The following SERHL2 variants were observed in gnomAD, a reference collection of about 807,000 sequenced individuals.
SERHL2 encodes the protein serine hydrolase-like protein 2.
Under a neutral mutation model 25.5 loss-of-function variants are expected in SERHL2, and 29 were observed. The observed-to-expected ratio is 1.14, with a 90% CI of 0.85 to 1.55. The LOEUF (loss-of-function observed/expected upper bound fraction) is 1.55. Among genes scored for constraint, SERHL2 ranks in the 40% most tolerant of loss-of-function variants. The probability of loss-of-function intolerance (pLI) is 0.00; values close to 1 mark genes in which losing one functional copy is unlikely to be tolerated. For synonymous variants in SERHL2, 95 were observed against 103.5 expected (o/e 0.92, Z 0.50); for missense variants, 240 against 252.3 (o/e 0.95, Z 0.33).
chr22:42,555,987 C>G, intron 4 of SERHL2, 77 bp from the exon 5 acceptor site: 1 of 421,500 alleles, frequency 2.4e-6, no homozygotes, highest in Non-Finnish European at 3.7e-6. Flanking sequence ...CCCCCCCCAA[C>G]TGGTGGGAAG....
At position 42,572,507 on chromosome 22, in the gene SERHL2, C is replaced by G. The variant is rs376451858; in HGVS notation, c.803C>G (p.Thr268Arg). ...EKESLSFMID[T>R]MKSTLKEQFQ... is the part of the protein sequence containing the mutation. ...GAGTCCCTGTCGTTCATGATAGACA[C>G]GATGAAATCCACCCTCAAAGAGGTA... Residue 268 changes from threonine (T) to arginine (R), a missense_variant, in exon 11 of 12, where the codon ACG (threonine) becomes AGG (arginine). Physicochemically the swap from Thr to Arg is moderately conservative, Grantham distance 71. This residue lies in a region of SERHL2 where 212 missense variants were observed against 168.9 expected (regional missense o/e 1.25). Coordinates refer to ENST00000327678, the MANE Select transcript of SERHL2 (RefSeq NM_014509.5). The G allele has an allele frequency of 1.9e-6, 3 of 1,611,454 alleles. No individual in the cohort carries two copies. The highest frequency in any genetic ancestry group is 1.3e-5 in the African/African-American group (1 of 74,902).
intron 1 of SERHL2, 126 bp downstream of exon 1, chr22:42,554,168 C>T (rs1921942567): frequency 8.4e-7 from 1 of 1,191,246 alleles, no homozygotes; most frequent in Non-Finnish European, 1.2e-6. Flanking sequence ...CAGCTCCTTC[C>T]TCGGCAGTCC....
intron 10 of SERHL2, chr22:42,571,472 C>T (rs1402658562): frequency 1.1e-5 from 14 of 1,306,704 alleles, no homozygotes; most frequent in Middle Eastern, 5.9e-4. Flanking sequence ...AGGTAAGGCT[C>T]CATAACCAGT....
At chr22:42,563,933 C>T (rs1045320759) in intron 8 of SERHL2, among the ~76,000 whole-genome samples, 2 of 151,632 alleles carry the variant, frequency 1.3e-5, no homozygotes, top group African/African-American at 4.8e-5. Flanking sequence ...AGTAGTTGGG[C>T]GTGATGGCGC....
chr22:42,573,469 T>A (rs1451661847), intron 11 of SERHL2: 1 of 162,606 alleles, frequency 6.1e-6, no homozygotes, highest in African/African-American at 2.4e-5. Context: ...GCTCTTGATC[T>A]CCTGACCTCG....
At chr22:42,565,188 T>C (rs367869954) in intron 8 of SERHL2, 1 of 152,932 alleles carries the variant, frequency 6.5e-6, no homozygotes, top group East Asian at 1.9e-4. Context: ...GGTCGTCCTC[T>C]TCGACCGAGT....
chr22:42,572,605 GCA>G, intron 11 of SERHL2, 76 bp downstream of exon 11: 1 of 1,564,122 alleles, frequency 6.4e-7, no homozygotes, highest in South Asian at 1.2e-5. Flanking sequence ...CTCTTCTCAT[GCA>G]CTGGGAAGAC....
intron 8 of SERHL2, among the ~76,000 whole-genome samples, chr22:42,564,029 A>G (rs1923024889): frequency 6.6e-6 from 1 of 151,778 alleles, no homozygotes; most frequent in African/African-American, 2.4e-5. Flanking sequence ...CTGAGATCAT[A>G]CCATTGCACT....
rs556247420 is a variant in SERHL2, at chr22:42,564,088, A to G, written c.614-2216A>G. On this transcript the variant is annotated intron_variant, in intron 8 of 11. Coordinates refer to ENST00000327678, the MANE Select transcript of SERHL2 (RefSeq NM_014509.5). Reference sequence around the variant, plus strand: ...ACTTCGTCTCAGAAAAAAAAAAGACAAGAAAAAACATGTCTTTTGTATGGC... The same window carrying G: ...ACTTCGTCTCAGAAAAAAAAAAGACGAGAAAAAACATGTCTTTTGTATGGC... 3.0e-3 allele frequency among the ~76,000 whole-genome samples: 458 copies of G among 151,920 alleles called. 2 individuals carry two copies. Among genetic ancestry groups the G allele is most frequent in the African/African-American group, 9.4e-3 (392 of 41,522 alleles).
Position 42,574,288 on chromosome 22 carries a change from A to T in SERHL2, c.*233A>T. 5.5e-6 allele frequency: 3 copies of T among 541,772 alleles called. No individual in the cohort carries two copies. The South Asian group carries it at 6.9e-5, about 13-fold the overall frequency. 33.6% of individuals were successfully genotyped at this position (541,772 alleles called of 1,614,324 possible). On this transcript the variant is annotated 3_prime_UTR_variant, in exon 12 of 12. Coordinates refer to ENST00000327678, the MANE Select transcript of SERHL2 (RefSeq NM_014509.5). Reference sequence around the variant, plus strand: ...TGCTTTCTCCTGGCTAATAATAAATATCCAGCCAGCTGGAGGAAGGAAGGG... The same window carrying T: ...TGCTTTCTCCTGGCTAATAATAAATTTCCAGCCAGCTGGAGGAAGGAAGGG...
In SERHL2 at chr22:42,561,470, C is replaced by T. The variant is rs140196326; in HGVS notation, c.613+1205C>T. ...GCTGAGTGAGGCAGGGGGTCAGAAACTCCAGCACCTGGGGGCGGGGGTGGG... is the reference window on the plus strand; with the variant it reads ...GCTGAGTGAGGCAGGGGGTCAGAAATTCCAGCACCTGGGGGCGGGGGTGGG... On this transcript the variant is annotated intron_variant, in intron 8 of 11. Coordinates refer to ENST00000327678, the MANE Select transcript of SERHL2 (RefSeq NM_014509.5). Among the ~76,000 whole-genome samples the T allele has an allele frequency of 3.9e-3, 584 of 148,622 alleles. 4 individuals are homozygous for T. The highest frequency in any genetic ancestry group is 0.014 in the African/African-American group (568 of 40,326).
chr22:42,570,788 C>T (rs1456213439), intron 9 of SERHL2, among the ~76,000 whole-genome samples: 2 of 152,080 alleles, frequency 1.3e-5, no homozygotes, highest in African/African-American at 4.8e-5. Context: ...CACCTAAGTC[C>T]TAAAATCCAG....
intron 8 of SERHL2, among the ~76,000 whole-genome samples, chr22:42,563,110 A>G (rs902846926): frequency 6.6e-6 from 1 of 151,818 alleles, no homozygotes; most frequent in Non-Finnish European, 1.5e-5. Flanking sequence ...GGAGACTCAC[A>G]TGAGCTCAGG....
intron 11 of SERHL2, chr22:42,573,667 C>T: frequency 2.1e-6 from 1 of 480,188 alleles, no homozygotes. Flanking sequence ...CAACCCTGGC[C>T]TCGGCCCCGC....
intron 10 of SERHL2, 29 bp from the exon 11 acceptor site, chr22:42,572,407 C>T (rs1271831221): frequency 6.4e-7 from 1 of 1,559,696 alleles, no homozygotes; most frequent in African/African-American, 1.4e-5. Context: ...AAGATGAACC[C>T]CAACAACCCC....
chr22:42,570,678 C>T (rs1414467571), intron 9 of SERHL2, among the ~76,000 whole-genome samples: 1 of 152,136 alleles, frequency 6.6e-6, no homozygotes, highest in East Asian at 1.9e-4. Flanking sequence ...GCACTGTGGT[C>T]CCAGCAAGTT....
chr22:42,569,920 A>C (rs1285556600), intron 9 of SERHL2: 2 of 151,428 alleles, frequency 1.3e-5, no homozygotes, highest in East Asian at 3.9e-4. Flanking sequence ...ATCGGGTGTA[A>C]CTTAGGGGAG....
intron 9 of SERHL2, among the ~76,000 whole-genome samples, chr22:42,567,068 C>T (rs1923488206): frequency 6.6e-6 from 1 of 152,142 alleles, no homozygotes; most frequent in African/African-American, 2.4e-5. Context: ...TGTTGAGTGG[C>T]CTCGCACAGT....
At chr22:42,562,452 C>T (rs974411715) in intron 8 of SERHL2, among the ~76,000 whole-genome samples, 6 of 151,820 alleles carry the variant, frequency 4.0e-5, no homozygotes, top group Non-Finnish European at 7.4e-5. Flanking sequence ...TCCCACCTCT[C>T]TGGCTGCTGG....
Sources: gnomAD v4.1 joint callset for allele counts (sites outside exome capture counted in the v4.1 genomes callset) on GRCh38, gnomAD v4.1.1 for gene constraint, gnomAD v4.1.1 regional missense constraint, MANE v1.5 for transcripts, NCBI Gene and HGNC (gene_info 2026-07-23, HGNC 2026-07-21) for gene names.